The following UBR1 variants were observed in gnomAD, a reference collection of about 807,000 sequenced individuals.
UBR1 encodes ubiquitin protein ligase E3 component n-recognin 1.
UBR1 carries 102 observed loss-of-function variants against 242.1 expected under a neutral mutation model. The ratio of observed to expected loss-of-function variants is 0.42; its 90% CI spans 0.36 to 0.50. The LOEUF (loss-of-function observed/expected upper bound fraction) is 0.50. UBR1 is among the 20% of genes least tolerant of loss of function. UBR1 has a pLI of 0.01. For synonymous variants in UBR1, 675 were observed against 684.8 expected (o/e 0.99, Z 0.22); for missense variants, 1,772 against 2,101.8 (o/e 0.84, Z 3.07).
In UBR1 at chr15:43,032,632, C is replaced by T. The variant is rs1326826096; in HGVS notation, c.2191-1G>A. On this transcript the variant is annotated splice_acceptor_variant, in intron 19 of 46. Transcript: ENST00000290650. LOFTEE classifies it high-confidence loss of function. ...GTGTATTATATTGTTTAATCAAATC[C>T]TATAGAATCGAAAAAGAGTAAATTA... 1 of 1,505,176 alleles carries T rather than the reference C, an allele frequency of 6.6e-7. No individual in the cohort carries two copies. The highest frequency in any genetic ancestry group is 9.2e-7 in the Non-Finnish European group (1 of 1,090,542). The allele number at this position is 1,505,176 out of a possible 1,614,324, so 93.2% of individuals were successfully genotyped here.
At chr15:42,968,991 T>C (rs2032158330) in intron 40 of UBR1, among the ~76,000 whole-genome samples, 1 of 152,186 alleles carries the variant, frequency 6.6e-6, no homozygotes, top group African/African-American at 2.4e-5. Flanking sequence ...TGTGCATGTG[T>C]CTTTATAGTA....
intron 5 of UBR1, among the ~76,000 whole-genome samples, chr15:43,069,083 G>A (rs1032009619): frequency 3.3e-5 from 5 of 152,166 alleles, no homozygotes; most frequent in Admixed American, 3.3e-4. Context: ...GTTTCAAGAA[G>A]TATACAGTAT....
rs2032105094 is a variant in UBR1 at position 42,966,299 on chromosome 15, A to G, written c.4458-13T>C. 2 of 1,614,128 alleles carry G rather than the reference A, an allele frequency of 1.2e-6. No individual in the cohort carries two copies. Among genetic ancestry groups the G allele is most frequent in the Admixed American group, 3.3e-5 (2 of 60,026 alleles). On this transcript the variant is annotated splice_polypyrimidine_tract_variant and intron_variant, in intron 40 of 46. Transcript: ENST00000290650. Reference sequence around the variant, plus strand: ...ACACCCAATGGAGCTAGGAGACAATAATTCCAGAAGAGAACAGAATACATA... The same window carrying G: ...ACACCCAATGGAGCTAGGAGACAATGATTCCAGAAGAGAACAGAATACATA...
chr15:43,076,588 G>T (rs1436345139), intron 3 of UBR1, among the ~76,000 whole-genome samples: 1 of 148,536 alleles, frequency 6.7e-6, no homozygotes, highest in African/African-American at 2.5e-5. Context: ...CGCCTCTGCT[G>T]GGCCGCAACC....
At chr15:42,987,014 G>A (rs553405877) in intron 35 of UBR1, among the ~76,000 whole-genome samples, 24 of 152,350 alleles carry the variant, frequency 1.6e-4, no homozygotes, top group Non-Finnish European at 2.8e-4. Flanking sequence ...GAAGGCACAC[G>A]GTGGAGTGGT....
chr15:42,994,787 A>G (rs1293097946), intron 33 of UBR1, among the ~76,000 whole-genome samples: 1 of 152,184 alleles, frequency 6.6e-6, no homozygotes, highest in African/African-American at 2.4e-5. Context: ...GCTTACTATT[A>G]ATACCACCAC....
chr15:43,088,262 A>T (rs1424343165), intron 1 of UBR1, among the ~76,000 whole-genome samples: 2 of 152,218 alleles, frequency 1.3e-5, no homozygotes, highest in Non-Finnish European at 2.9e-5. Flanking sequence ...GTGAAAATAT[A>T]TATTTACATC....
rs946063627 is a variant in UBR1 at position 42,988,712 on chromosome 15, T to C, written c.3997+107A>G. 8 of 1,471,050 alleles carry C rather than the reference T, an allele frequency of 5.4e-6. No homozygotes were observed. In the African/African-American group the frequency reaches 8.3e-5, roughly 15 times the overall value. The allele number at this position is 1,471,050 out of a possible 1,614,324, so 91.1% of individuals were successfully genotyped here. A position where few individuals can be genotyped will look rare whatever the true frequency, so the allele number is the denominator to read the frequency against. ...TACACTGAAATACTAATAGTCCTCA[T>C]ACAAGTCAAATTATTCTGGGCCATC... On this transcript the variant is annotated intron_variant, in intron 35 of 46. Transcript: ENST00000290650.
intron 3 of UBR1, among the ~76,000 whole-genome samples, chr15:43,075,407 T>G (rs1195690437): frequency 2.0e-5 from 3 of 152,170 alleles, no homozygotes; most frequent in Non-Finnish European, 4.4e-5. Flanking sequence ...GATTGCAAAG[T>G]GTGCGAAAAT....
rs1290370381 is a variant in UBR1 at position 43,070,830 on chromosome 15, T to G, written c.624A>C (p.Glu208Asp). Reference sequence around the variant, plus strand: ...GTTCAGGAGGCAGTTCTTTTTCCTCTTCCCATATAGTCATTTCTACGACAT... The same window carrying G: ...GTTCAGGAGGCAGTTCTTTTTCCTCGTCCCATATAGTCATTTCTACGACAT... ...IKYVVEMTIW[E>D]EEKELPPELQ... The change falls in exon 5 of 47, where the codon GAA (glutamate) becomes GAC (aspartate). Residue 208 changes from glutamate to aspartate, a missense_variant. Around this residue, in one of 3 missense-constraint regions of UBR1, gnomAD observed 734 missense variants for 893.3 expected, o/e 0.82. Transcript: ENST00000290650. 5.0e-6 allele frequency: 8 copies of G among 1,613,820 alleles called. No homozygotes were observed. Among genetic ancestry groups the G allele is most frequent in the Non-Finnish European group, 6.8e-6 (8 of 1,179,986 alleles).
rs2033018778 is a variant in UBR1, at chr15:43,016,018, T to C, written c.3028-149A>G. On this transcript the variant is annotated intron_variant, in intron 28 of 46. Transcript: ENST00000290650. The stretch of plus-strand genomic sequence containing the variant: ...TCAGTTTAATGTTTCAAAATTAGCA[T>C]TACAGGCTGCATGACATCATACAAC... The C allele has an allele frequency of 3.8e-5, 26 of 683,190 alleles. No individual in the cohort carries two copies. In the South Asian group the frequency reaches 4.5e-4, roughly 12 times the overall value. 42.3% of individuals were successfully genotyped at this position (683,190 alleles called of 1,614,324 possible). A position where few individuals can be genotyped will look rare whatever the true frequency, so the allele number is the denominator to read the frequency against.
At chr15:42,982,463 A>G (rs1298942273) in intron 37 of UBR1, among the ~76,000 whole-genome samples, 1 of 152,232 alleles carries the variant, frequency 6.6e-6, no homozygotes, top group African/African-American at 2.4e-5. Context: ...GTGTGTGACT[A>G]GTGGAACAGC....
At chr15:42,989,497 A>C (rs780890979) in intron 34 of UBR1, among the ~76,000 whole-genome samples, 1 of 152,236 alleles carries the variant, frequency 6.6e-6, no homozygotes, top group Non-Finnish European at 1.5e-5. Flanking sequence ...GGGATAGATA[A>C]ACAAGGATCA....
intron 25 of UBR1, among the ~76,000 whole-genome samples, chr15:43,023,862 G>A (rs2033143705): frequency 6.6e-6 from 1 of 152,136 alleles, no homozygotes; most frequent in South Asian, 2.1e-4. Context: ...GAATTAGTAT[G>A]ACAAATACGC....
intron 15 of UBR1, among the ~76,000 whole-genome samples, chr15:43,040,396 T>C (rs980544959): frequency 6.6e-6 from 1 of 152,156 alleles, no homozygotes; most frequent in African/African-American, 2.4e-5. Context: ...TGGCTAGCCA[T>C]ATGTAGAAAG....
chr15:42,953,514 T>A (rs2031867759), intron 44 of UBR1, among the ~76,000 whole-genome samples: 1 of 152,206 alleles, frequency 6.6e-6, no homozygotes, highest in African/African-American at 2.4e-5. Context: ...ACTCTGCGCA[T>A]AGGATGAGAG....
At chr15:43,047,102 C>T in intron 14 of UBR1, 59 bp downstream of exon 14, 1 of 1,589,822 alleles carries the variant, frequency 6.3e-7, no homozygotes, top group African/African-American at 1.3e-5. Context: ...TAAAACTATA[C>T]TATTAATAAT....
Position 43,087,710 on chromosome 15 carries a change from A to T in UBR1, c.82-1470T>A, listed in dbSNP as rs889336852. Among the ~76,000 whole-genome samples the T allele has an allele frequency of 2.0e-5, 3 of 152,344 alleles. No individual in the cohort carries two copies. The South Asian group carries it at 6.2e-4, about 32-fold the overall frequency. On this transcript the variant is annotated intron_variant, in intron 1 of 46. Transcript: ENST00000290650. ...TTGACCCAGAAATGCCCATTCTAGG[A>T]ATTTATTCCTCTGATAAACATGTAA...
At chr15:43,049,238 C>G (rs1158674194) in intron 12 of UBR1, among the ~76,000 whole-genome samples, 1 of 152,160 alleles carries the variant, frequency 6.6e-6, no homozygotes, top group Non-Finnish European at 1.5e-5. Flanking sequence ...CAGATACACA[C>G]AGTAGACAGA....
Sources: gnomAD v4.1 joint callset for allele counts (sites outside exome capture counted in the v4.1 genomes callset) on GRCh38, gnomAD v4.1.1 for gene constraint, gnomAD v4.1.1 regional missense constraint, MANE v1.5 for transcripts, NCBI Gene and HGNC (gene_info 2026-07-23, HGNC 2026-07-21) for gene names.